Variants in ZFYVE9 observed in about 807,000 individuals in gnomAD.
ZFYVE9 encodes the protein zinc finger FYVE domain-containing protein 9.
Under a neutral mutation model 126.7 loss-of-function variants are expected in ZFYVE9, and 43 were observed. The observed-to-expected ratio is 0.34, with a 90% CI of 0.27 to 0.44. ZFYVE9 has a LOEUF of 0.44. ZFYVE9 is among the 20% of genes least tolerant of loss of function. The pLI is 1.00. For missense variants in ZFYVE9, 1,476 were observed against 1,697.0 expected (o/e 0.87, Z 2.29); for synonymous variants, 521 against 597.4 (o/e 0.87, Z 1.87).
intron 13 of ZFYVE9, among the ~76,000 whole-genome samples, chr1:52,332,351 C>T (rs150699645): frequency 6.6e-5 from 10 of 152,180 alleles, no homozygotes; most frequent in African/African-American, 2.4e-4. Context: ...GAGGGAAGTT[C>T]ACTCCTTTGG....
chr1:52,346,101 G>A lies in ZFYVE9; in HGVS notation c.4158G>A (p.Ser1386=), dbSNP rs373615756. Residue 1386 remains serine, a synonymous_variant, in exon 19 of 19, where the codon TCG becomes TCA. Coordinates refer to ENST00000287727, the MANE Select transcript of ZFYVE9 (RefSeq NM_004799.4). ...QAGSNGQPLP[S]QYMNDLDSAL... is the part of the protein sequence containing the mutation. ...GGAGCAATGGCCAGCCCCTTCCCTC[G>A]CAGTACATGAATGATCTGGACAGCG... is the stretch of plus-strand genomic sequence containing the variant. 20 of 1,609,790 alleles carry A rather than the reference G, an allele frequency of 1.2e-5. No individual in the cohort carries two copies. Among genetic ancestry groups the A allele is most frequent in the South Asian group, 8.8e-5 (8 of 90,668 alleles).
chr1:52,285,321 G>T (rs1645847207), intron 10 of ZFYVE9, among the ~76,000 whole-genome samples: 1 of 152,024 alleles, frequency 6.6e-6, no homozygotes, highest in African/African-American at 2.4e-5. Flanking sequence ...CATATTTTGG[G>T]TGTTCTAAAA....
At position 52,176,160 on chromosome 1, in the gene ZFYVE9, A is replaced by G. The variant is rs546598909; in HGVS notation, c.-143+33757A>G. Among the ~76,000 whole-genome samples, 1,174 of 152,200 alleles carry G rather than the reference A, an allele frequency of 7.7e-3. 15 individuals carry two copies. The highest frequency in any genetic ancestry group is 0.026 in the African/African-American group (1,090 of 41,516). On this transcript the variant is annotated intron_variant, in intron 1 of 18. Transcript: ENST00000287727. ...TTTTGGTCTTTGATGATGGTGATGT[A>G]CAGATGGGTTTTTGGTGTGGATGTC... is the stretch of plus-strand genomic sequence containing the variant.
At chr1:52,312,751 C>T (rs1012304343) in intron 13 of ZFYVE9, among the ~76,000 whole-genome samples, 2 of 152,126 alleles carry the variant, frequency 1.3e-5, no homozygotes, top group African/African-American at 4.8e-5. Flanking sequence ...CAGGGGTGTA[C>T]GGTTCTCCCT....
chr1:52,251,106 C>G (rs1645442052), intron 4 of ZFYVE9, among the ~76,000 whole-genome samples: 1 of 151,802 alleles, frequency 6.6e-6, no homozygotes, highest in African/African-American at 2.4e-5. Flanking sequence ...GAGTCTCGCT[C>G]TGTCACCCAG....
chr1:52,227,962 T>C (rs1478287137), intron 2 of ZFYVE9, among the ~76,000 whole-genome samples: 2 of 152,232 alleles, frequency 1.3e-5, no homozygotes, highest in Admixed American at 6.5e-5. Context: ...GATACTCCTA[T>C]GGACTGCCAC....
At chr1:52,309,500 AAAG>A (rs763722288) in intron 13 of ZFYVE9, among the ~76,000 whole-genome samples, 8 of 152,074 alleles carry the variant, frequency 5.3e-5, no homozygotes, top group Non-Finnish European at 1.0e-4. Flanking sequence ...CAAAAGCAAA[AAAG>A]GGCAGAAAAG....
chr1:52,162,622 G>T, intron 1 of ZFYVE9: 1 of 261,902 alleles, frequency 3.8e-6, no homozygotes. Flanking sequence ...ACTTCACGAA[G>T]ATCTCTGTCT....
intron 10 of ZFYVE9, among the ~76,000 whole-genome samples, chr1:52,292,865 A>G (rs1203432327): frequency 6.6e-6 from 1 of 152,168 alleles, no homozygotes; most frequent in African/African-American, 2.4e-5. Context: ...GAAGGCATCA[A>G]TATTTTTGGC....
intron 13 of ZFYVE9, among the ~76,000 whole-genome samples, chr1:52,313,887 A>G (rs1423007552): frequency 6.6e-6 from 1 of 152,248 alleles, no homozygotes; most frequent in Non-Finnish European, 1.5e-5. Flanking sequence ...AAAACTCGTG[A>G]TCATGAAAAC....
chr1:52,247,131 C>T (rs1407907791), intron 4 of ZFYVE9, among the ~76,000 whole-genome samples: 1 of 152,070 alleles, frequency 6.6e-6, no homozygotes, highest in Non-Finnish European at 1.5e-5. Context: ...CTCCTGGCTG[C>T]CTTTGATTTT....
intron 4 of ZFYVE9, chr1:52,254,159 A>G (rs996267561): frequency 1.5e-6 from 1 of 675,932 alleles, no homozygotes; most frequent in East Asian, 2.7e-5. Flanking sequence ...TATAGATTTC[A>G]TGATGTATTG....
At chr1:52,241,385 A>C (rs1039630467) in intron 4 of ZFYVE9, among the ~76,000 whole-genome samples, 19 of 152,218 alleles carry the variant, frequency 1.2e-4, no homozygotes, top group Non-Finnish European at 2.6e-4. Context: ...AATATTTTCC[A>C]GTCTTCTTCT....
At chr1:52,182,033 T>G (rs1644712624) in intron 1 of ZFYVE9, among the ~76,000 whole-genome samples, 1 of 148,536 alleles carries the variant, frequency 6.7e-6, no homozygotes, top group Non-Finnish European at 1.5e-5. Flanking sequence ...AGCCGCCCCG[T>G]CCGGGAGGGA....
In ZFYVE9 at chr1:52,340,327, A is replaced by G. The variant is rs956976347; in HGVS notation, c.3939+96A>G. The G allele has an allele frequency of 4.9e-5, 42 of 852,126 alleles. No homozygotes were observed. The South Asian group carries it at 6.0e-4, about 12-fold the overall frequency. The allele number at this position is 852,126 out of a possible 1,614,324, so 52.8% of individuals were successfully genotyped here. A position where few individuals can be genotyped will look rare whatever the true frequency, so the allele number is the denominator to read the frequency against. The stretch of plus-strand genomic sequence containing the variant: ...CTGGGTTGACTTTGTAGGATAAGAA[A>G]AAAATATCTCTGAGAAAAATCTTTC... On this transcript the variant is annotated intron_variant, in intron 17 of 18. Transcript: ENST00000287727.
chr1:52,182,612 C>T (rs1461218670), intron 1 of ZFYVE9, among the ~76,000 whole-genome samples: 1 of 151,784 alleles, frequency 6.6e-6, no homozygotes, highest in South Asian at 2.1e-4. Context: ...ACAAACACTG[C>T]GGAAGGCTGC....
intron 1 of ZFYVE9, among the ~76,000 whole-genome samples, chr1:52,170,518 A>G (rs1417741351): frequency 2.0e-5 from 3 of 151,448 alleles, no homozygotes; most frequent in Non-Finnish European, 4.4e-5. Flanking sequence ...CTTTTCTTCT[A>G]ATTTTGGGTT....
chr1:52,332,023 G>A (rs1238290664), intron 13 of ZFYVE9, among the ~76,000 whole-genome samples: 3 of 151,670 alleles, frequency 2.0e-5, no homozygotes, highest in African/African-American at 7.3e-5. Flanking sequence ...CTCGTGATCC[G>A]CCTGCCTCGG....
intron 1 of ZFYVE9, among the ~76,000 whole-genome samples, chr1:52,160,845 G>A (rs1199834973): frequency 6.6e-6 from 1 of 152,166 alleles, no homozygotes; most frequent in African/African-American, 2.4e-5. Context: ...CAATATTTCA[G>A]TGTGGTCTGG....
Sources: allele counts gnomAD v4.1 joint callset (sites outside exome capture counted in the v4.1 genomes callset), GRCh38; gene constraint gnomAD v4.1.1; transcripts MANE v1.5; gene names NCBI Gene and HGNC (gene_info 2026-07-23, HGNC 2026-07-21).